The following ADAMTS10 variants were observed in gnomAD, a reference collection of about 807,000 sequenced individuals.
The protein encoded by ADAMTS10 is A disintegrin and metalloproteinase with thrombospondin motifs 10.
ADAMTS10 carries 48 observed loss-of-function variants against 135.9 expected under a neutral mutation model. The observed-to-expected ratio is 0.35, with a 90% CI of 0.28 to 0.45. The LOEUF (loss-of-function observed/expected upper bound fraction) is 0.45. Among genes scored for constraint, ADAMTS10 ranks in the 20% least tolerant of loss-of-function variants. The probability of loss-of-function intolerance (pLI) is 1.00; values close to 1 mark genes in which losing one functional copy is unlikely to be tolerated. For missense variants in ADAMTS10, 1,131 were observed against 1,565.2 expected (o/e 0.72, Z 4.68); for synonymous variants, 621 against 647.5 (o/e 0.96, Z 0.62).
rs2146043769 is a variant in ADAMTS10, at chr19:8,586,630, T to C, written c.2331A>G (p.Gln777=). 6.2e-7 allele frequency: 1 copy of C among 1,613,986 alleles called. No individual in the cohort carries two copies. The highest frequency in any genetic ancestry group is 8.5e-7 in the Non-Finnish European group (1 of 1,179,996). Residue 777 remains glutamine, a synonymous_variant, in exon 20 of 26, where the codon CAA becomes CAG. Transcript: ENST00000597188. ...HRLPLAGTTF[Q]LRQGPDQVQS... ...GGACCTGGTCTGGCCCCTGTCGCAGTTGAAAGGTGGTCCCAGCTAGAGGCA... is the reference window on the plus strand; with the variant it reads ...GGACCTGGTCTGGCCCCTGTCGCAGCTGAAAGGTGGTCCCAGCTAGAGGCA...
At chr19:8,586,080 C>A (rs1372563583) in intron 22 of ADAMTS10, 42 bp downstream of exon 22, 1 of 1,611,656 alleles carries the variant, frequency 6.2e-7, no homozygotes, top group East Asian at 2.2e-5. Flanking sequence ...AGGGAGTACT[C>A]TCCTCTCACC....
chr19:8,585,922 T>C (rs1393987303), intron 22 of ADAMTS10, among the ~76,000 whole-genome samples, 200 bp downstream of exon 22: 2 of 152,198 alleles, frequency 1.3e-5, no homozygotes, highest in South Asian at 4.1e-4. Context: ...TCCAGGGCCA[T>C]GCAGCTTTGA....
chr19:8,595,489 G>C, intron 12 of ADAMTS10: 1 of 489,480 alleles, frequency 2.0e-6, no homozygotes, highest in African/African-American at 1.9e-5. Flanking sequence ...TGATGTGCCA[G>C]ACAGAAGCTG....
chr19:8,593,760 C>G (rs557314630), intron 12 of ADAMTS10, among the ~76,000 whole-genome samples: 1 of 151,726 alleles, frequency 6.6e-6, no homozygotes, highest in Admixed American at 6.6e-5. Flanking sequence ...CCTCTCTGAC[C>G]CTCTTGGCCC....
chr19:8,586,021 T>C, intron 22 of ADAMTS10, 101 bp downstream of exon 22: 1 of 1,579,972 alleles, frequency 6.3e-7, no homozygotes, highest in Non-Finnish European at 8.6e-7. Flanking sequence ...TCACTCCGAC[T>C]CTGCACTAAT....
intron 15 of ADAMTS10, among the ~76,000 whole-genome samples, chr19:8,591,537 G>A (rs1001344312): frequency 6.6e-6 from 1 of 151,886 alleles, no homozygotes; most frequent in Non-Finnish European, 1.5e-5. Context: ...CGCCTCCCGG[G>A]TTCAAGCGAT....
rs547667071 is a variant in ADAMTS10, at chr19:8,605,675, G to A, written c.36C>T (p.Leu12=). 16 of 1,613,116 alleles carry A rather than the reference G, an allele frequency of 9.9e-6. No individual in the cohort carries two copies. In the East Asian group the frequency reaches 2.0e-4, roughly 20 times the overall value. The change falls in exon 3 of 26, where the codon CTC becomes CTT. Residue 12 remains leucine (L), a synonymous_variant. Transcript: ENST00000597188. The surrounding 1 kb of genome is among the most constrained non-coding windows in gnomAD (Gnocchi z 7.7). ...CGAACATGAGGCCCAGCCCCAGGGC[G>A]AGGGCCCAGCGGAGGATCTGGCAGG... ...APACQILRWA[L]ALGLGLMFEV...
chr19:8,593,030 T>C (rs1555739543), intron 12 of ADAMTS10, 160 bp from the exon 13 acceptor site: 3 of 689,464 alleles, frequency 4.4e-6, no homozygotes, highest in South Asian at 3.2e-5. Context: ...TGCATCCCCT[T>C]GCGGGGCATG....
rs574630456 is a variant in ADAMTS10 at position 8,597,807 on chromosome 19, A to AT, written c.811-491dup. Among the ~76,000 whole-genome samples, 309 of 144,936 alleles carry AT rather than the reference A, an allele frequency of 2.1e-3. 3 individuals are homozygous for AT. The highest frequency in any genetic ancestry group is 8.2e-3 in the East Asian group (41 of 4,994). On this transcript the variant is annotated intron_variant, in intron 6 of 25. Transcript: ENST00000597188. ...AGGCGCACATCACTATGCCCACTTA[A>AT]TTTTTTTTTTTTTGAGACAGAGTTT...
Position 8,584,911 on chromosome 19 carries a change from G to A in ADAMTS10, c.3186C>T (p.Pro1062=). ...CCCACATACCTTCAGGGCCGTCCCC[G>A]GGGGTTGGGCTGTCGCACTTGGCCT... is the stretch of plus-strand genomic sequence containing the variant. ...QCEAKCDSPT[P]GDGPEECKDV... The change falls in exon 25 of 26, where the codon CCC becomes CCT. Residue 1062 remains proline, a synonymous_variant. Coordinates refer to ENST00000597188, the MANE Select transcript of ADAMTS10 (RefSeq NM_030957.4). 4.5e-6 allele frequency: 7 copies of A among 1,548,912 alleles called. No individual in the cohort carries two copies. The highest frequency in any genetic ancestry group is 1.2e-5 in the South Asian group (1 of 84,014).
intron 2 of ADAMTS10, among the ~76,000 whole-genome samples, chr19:8,607,057 T>C (rs1410987757): frequency 1.3e-5 from 2 of 151,526 alleles, no homozygotes; most frequent in Admixed American, 1.3e-4. Context: ...CCAGACAGGG[T>C]GGGTGCAGGA....
Position 8,603,888 on chromosome 19 carries a change from G to A in ADAMTS10, c.436-4C>T. On this transcript the variant is annotated splice_region_variant and splice_polypyrimidine_tract_variant and intron_variant, in intron 4 of 25. Coordinates refer to ENST00000597188, the MANE Select transcript of ADAMTS10 (RefSeq NM_030957.4). ...CGTCTGCCACGATCAGGCCGTGCTGGGTTTTGAGAAGTGGGATAGAAAGCT... is the reference window on the plus strand; with the variant it reads ...CGTCTGCCACGATCAGGCCGTGCTGAGTTTTGAGAAGTGGGATAGAAAGCT... The A allele has an allele frequency of 6.2e-7, 1 of 1,602,196 alleles. No homozygotes were observed. Among genetic ancestry groups the A allele is most frequent in the Non-Finnish European group, 8.5e-7 (1 of 1,171,252 alleles).
chr19:8,592,315 G>T, intron 13 of ADAMTS10: 1 of 940,226 alleles, frequency 1.1e-6, no homozygotes, highest in Non-Finnish European at 1.6e-6. Context: ...CTGAGCACAG[G>T]GTGCTTAACG....
intron 2 of ADAMTS10, among the ~76,000 whole-genome samples, chr19:8,606,633 C>A (rs2042725034): frequency 6.6e-6 from 1 of 152,154 alleles, no homozygotes; most frequent in African/African-American, 2.4e-5. Context: ...GAACTCCTGA[C>A]CTCGCATCAC....
intron 6 of ADAMTS10, 132 bp downstream of exon 6, chr19:8,600,796 C>G: frequency 8.4e-7 from 1 of 1,195,936 alleles, no homozygotes. Flanking sequence ...CCGCGCCCGG[C>G]CTGCAACCTT....
chr19:8,591,759 G>T (rs533752686), intron 15 of ADAMTS10, 41 bp downstream of exon 15: 7 of 1,610,850 alleles, frequency 4.3e-6, no homozygotes, highest in African/African-American at 4.0e-5. Context: ...TGTTTTTAAT[G>T]CTTCCTCCCC....
chr19:8,600,869 C>T (rs753600518), intron 6 of ADAMTS10, 59 bp downstream of exon 6: 1 of 1,599,360 alleles, frequency 6.3e-7, no homozygotes, highest in Non-Finnish European at 8.6e-7. Flanking sequence ...CCTTGCCTAA[C>T]ACTGCAGGCT....
chr19:8,590,615 C>T lies in ADAMTS10; in HGVS notation c.1798-624G>A, dbSNP rs539055987. 9.9e-5 allele frequency among the ~76,000 whole-genome samples: 15 copies of T among 152,114 alleles called. No individual in the cohort carries two copies. The East Asian group carries it at 2.7e-3, about 27-fold the overall frequency. Reference sequence around the variant, plus strand: ...CTGGGACTACAGGCGCGTGCCACCACGCCTGGCTAATTTTTTGTATTTTTA... The same window carrying T: ...CTGGGACTACAGGCGCGTGCCACCATGCCTGGCTAATTTTTTGTATTTTTA... On this transcript the variant is annotated intron_variant, in intron 15 of 25. Coordinates refer to ENST00000597188, the MANE Select transcript of ADAMTS10 (RefSeq NM_030957.4).
At chr19:8,604,432 C>A (rs2042697981) in intron 4 of ADAMTS10, among the ~76,000 whole-genome samples, 1 of 147,156 alleles carries the variant, frequency 6.8e-6, no homozygotes, top group Non-Finnish European at 1.5e-5. Flanking sequence ...TGTATACATA[C>A]ACATACACAT....
Sources: gnomAD v4.1 joint callset for allele counts (sites outside exome capture counted in the v4.1 genomes callset) on GRCh38, gnomAD v4.1.1 for gene constraint, Gnocchi (gnomAD v3.1) non-coding constraint, MANE v1.5 for transcripts, NCBI Gene and HGNC (gene_info 2026-07-23, HGNC 2026-07-21) for gene names.